TES: variants seen among roughly 807,000 people sequenced by gnomAD.
TES encodes the protein testin.
In TES, 41 loss-of-function variants were observed where a neutral mutation model predicts 48.2. The ratio of observed to expected loss-of-function variants is 0.85; its 90% CI spans 0.66 to 1.10. TES has a LOEUF of 1.10. Among genes scored for constraint, TES ranks in the 50% least tolerant of loss-of-function variants. TES has a pLI of 0.00. For synonymous variants in TES, 162 were observed against 174.9 expected (o/e 0.93, Z 0.58); for missense variants, 463 against 515.1 (o/e 0.90, Z 0.98).
intron 1 of TES, among the ~76,000 whole-genome samples, chr7:116,217,262 G>A (rs964692720): frequency 6.6e-6 from 1 of 152,108 alleles, no homozygotes. Flanking sequence ...TTTGTCTTAA[G>A]TAATAGCAAA....
At position 116,257,627 on chromosome 7, in the gene TES, T is replaced by C. The variant is rs1194263711; in HGVS notation, c.*145T>C. Reference sequence around the variant, plus strand: ...TTTTGTTTAATTTTTTTGGCCATTTTTTCTTCATCAATTTTTTTTCGGTCT... The same window carrying C: ...TTTTGTTTAATTTTTTTGGCCATTTCTTCTTCATCAATTTTTTTTCGGTCT... On this transcript the variant is annotated 3_prime_UTR_variant, in exon 7 of 7. Transcript: ENST00000358204. 6.5e-6 allele frequency: 5 copies of C among 773,042 alleles called. No homozygotes were observed. Among genetic ancestry groups the C allele is most frequent in the Non-Finnish European group, 5.5e-6 (3 of 550,236 alleles). The allele number at this position is 773,042 out of a possible 1,614,324, so 47.9% of individuals were successfully genotyped here.
intron 1 of TES, chr7:116,222,901 T>G: frequency 1.1e-6 from 1 of 872,236 alleles, no homozygotes; most frequent in South Asian, 5.3e-5. Context: ...AGAAGCAATT[T>G]CAGCTGCAGT....
At chr7:116,249,829 C>A (rs1161609463) in intron 3 of TES, 1 of 199,236 alleles carries the variant, frequency 5.0e-6, no homozygotes, top group Non-Finnish European at 1.0e-5. Context: ...TGTTCCTGGT[C>A]CTACAGACCA....
At chr7:116,231,367 A>C (rs1799697703) in intron 1 of TES, among the ~76,000 whole-genome samples, 1 of 152,218 alleles carries the variant, frequency 6.6e-6, no homozygotes, top group Non-Finnish European at 1.5e-5. Flanking sequence ...ACTCTGTAAA[A>C]GTATTTGAAG....
chr7:116,233,111 A>G (rs1370375754), intron 1 of TES, among the ~76,000 whole-genome samples: 1 of 152,196 alleles, frequency 6.6e-6, no homozygotes, highest in East Asian at 1.9e-4. Flanking sequence ...ATTGAAAAAT[A>G]CCTATTACTT....
rs139799094 is a variant in TES, at chr7:116,250,493, A to G, written c.699A>G (p.Gln233=). The change falls in exon 4 of 7, where the codon CAA becomes CAG. Residue 233 remains glutamine (Q), a synonymous_variant. Coordinates refer to ENST00000358204, the MANE Select transcript of TES (RefSeq NM_015641.4). ...EDKSAEHKRT[Q]YSCYCCKLSM... ...AATCTGCTGAGCACAAAAGAACTCA[A>G]TATGTAAGTAGAGTGGTCACACTGT... 652 of 1,529,322 alleles carry G rather than the reference A, an allele frequency of 4.3e-4. 1 individual carries two copies. Among genetic ancestry groups the G allele is most frequent in the Non-Finnish European group, 5.5e-4 (623 of 1,141,000 alleles). 94.7% of individuals were successfully genotyped at this position (1,529,322 alleles called of 1,614,324 possible).
chr7:116,251,642 C>A, intron 4 of TES, 118 bp from the exon 5 acceptor site: 1 of 915,750 alleles, frequency 1.1e-6, no homozygotes, highest in Non-Finnish European at 1.7e-6. Context: ...GAGATAGCAC[C>A]ACTGGACTCC....
In TES at chr7:116,258,201, T is replaced by C. The variant is rs1462159585; in HGVS notation, c.*719T>C. ...CTTTTTAGTTCTTTATTTTTTTTTT[T>C]TTATTTTGAGCAATTCTCCTGCCTC... On this transcript the variant is annotated 3_prime_UTR_variant, in exon 7 of 7. Transcript: ENST00000358204. The C allele has an allele frequency of 1.3e-5, 2 of 149,132 alleles. No homozygotes were observed. Among genetic ancestry groups the C allele is most frequent in the African/African-American group, 4.9e-5 (2 of 40,676 alleles). The allele number at this position is 149,132 out of a possible 1,614,324, so 9.2% of individuals were successfully genotyped here.
intron 6 of TES, among the ~76,000 whole-genome samples, chr7:116,254,754 A>ATGTGTGTG (rs562076686): frequency 1.6e-4 from 19 of 119,322 alleles, no homozygotes; most frequent in South Asian, 1.1e-3. Context: ...AAAAATATAT[A>ATGTGTGTG]TATATGTGTG....
rs990232499 is a variant in TES, at chr7:116,248,896, A to G, written c.114-124A>G. The G allele has an allele frequency of 1.2e-5, 11 of 951,804 alleles. No homozygotes were observed. In the Admixed American group the frequency reaches 2.5e-4, roughly 22 times the overall value. The allele number at this position is 951,804 out of a possible 1,614,324, so 59.0% of individuals were successfully genotyped here. A position where few individuals can be genotyped will look rare whatever the true frequency, so the allele number is the denominator to read the frequency against. On this transcript the variant is annotated intron_variant, in intron 2 of 6. Transcript: ENST00000358204. ...GGATACTTATTCTCCCTCCTAAAAA[A>G]GGACTTGCCTTTGCATACCATGATA...
At chr7:116,252,045 G>A in intron 5 of TES, 70 bp downstream of exon 5, 1 of 1,494,438 alleles carries the variant, frequency 6.7e-7, no homozygotes, top group African/African-American at 1.4e-5. Context: ...TACCTAGAAG[G>A]CAACAAGACT....
At chr7:116,237,180 T>C (rs1035391681) in intron 2 of TES, among the ~76,000 whole-genome samples, 3 of 152,114 alleles carry the variant, frequency 2.0e-5, no homozygotes, top group Non-Finnish European at 4.4e-5. Context: ...AGACATGGGA[T>C]CCCATGACCC....
intron 2 of TES, among the ~76,000 whole-genome samples, chr7:116,247,211 A>AG (rs1799938603): frequency 1.3e-5 from 2 of 152,198 alleles, no homozygotes; most frequent in Admixed American, 1.3e-4. Context: ...AAAGAAATTG[A>AG]GAAAAAAATG....
intron 2 of TES, among the ~76,000 whole-genome samples, chr7:116,246,747 C>T (rs1034377525): frequency 3.9e-5 from 6 of 152,146 alleles, no homozygotes; most frequent in Non-Finnish European, 7.4e-5. Context: ...TTTCATACAT[C>T]GTCCAGATCT....
At chr7:116,240,237 C>G (rs1799826923) in intron 2 of TES, among the ~76,000 whole-genome samples, 1 of 152,284 alleles carries the variant, frequency 6.6e-6, no homozygotes, top group African/African-American at 2.4e-5. Flanking sequence ...TTTTAAATCA[C>G]TGTGAATGCT....
At chr7:116,234,509 A>T (rs775199830) in intron 1 of TES, 25 bp from the exon 2 acceptor site, 14 of 1,593,686 alleles carry the variant, frequency 8.8e-6, no homozygotes, top group Non-Finnish European at 1.2e-5. Context: ...CTAATAACAG[A>T]TTCATGATGT....
At chr7:116,250,548 T>C (rs779556611) in intron 4 of TES, 52 bp downstream of exon 4, 1 of 1,369,386 alleles carries the variant, frequency 7.3e-7, no homozygotes, top group Non-Finnish European at 9.5e-7. Context: ...TACAGAATTT[T>C]TTTCCCTTAC....
intron 6 of TES, 145 bp downstream of exon 6, chr7:116,252,621 C>A: frequency 8.7e-7 from 1 of 1,147,754 alleles, no homozygotes; most frequent in Non-Finnish European, 1.3e-6. Flanking sequence ...GTGTTAAAAT[C>A]AAGGCAATTC....
intron 3 of TES, 162 bp downstream of exon 3, chr7:116,249,434 T>A: frequency 1.2e-6 from 1 of 819,580 alleles, no homozygotes; most frequent in Non-Finnish European, 1.9e-6. Flanking sequence ...CTTTTGAATG[T>A]AAGACTAGAT....
Sources: gnomAD v4.1 joint callset for allele counts (sites outside exome capture counted in the v4.1 genomes callset) on GRCh38, gnomAD v4.1.1 for gene constraint, MANE v1.5 for transcripts, NCBI Gene and HGNC (gene_info 2026-07-23, HGNC 2026-07-21) for gene names.